The following MZF1 variants were observed in gnomAD, a reference collection of about 807,000 sequenced individuals.
MZF1 encodes the protein zinc finger and SCAN domain-containing protein 6.
Under a neutral mutation model 28.6 loss-of-function variants are expected in MZF1, and 24 were observed. That is an observed-to-expected ratio of 0.84 (90% CI 0.61 to 1.18). The LOEUF (loss-of-function observed/expected upper bound fraction) is 1.18, where lower values mean the gene tolerates loss of function less well. MZF1 is among the 50% of genes most tolerant of loss of function. The probability of loss-of-function intolerance (pLI) is 0.00; values close to 1 mark genes in which losing one functional copy is unlikely to be tolerated. For missense variants in MZF1, 1,166 were observed against 1,026.4 expected, an observed-to-expected ratio of 1.14 and a Z score of -1.86; for synonymous variants, 516 against 432.5, an observed-to-expected ratio of 1.19 and a Z score of -2.40.
intron 5 of MZF1, among the ~76,000 whole-genome samples, chr19:58,567,827 A>C (rs917590145): frequency 1.3e-5 from 2 of 151,990 alleles, no homozygotes; most frequent in African/African-American, 4.8e-5. Context: ...GTTTTTTTTT[A>C]AAAAGTTACT....
At chr19:58,566,151 AAAG>A (rs2054052063) in intron 5 of MZF1, among the ~76,000 whole-genome samples, 3 of 150,846 alleles carry the variant, frequency 2.0e-5, no homozygotes, top group Admixed American at 6.6e-5. Flanking sequence ...AAAAAAAAAA[AAAG>A]AAGAGGAATG....
chr19:58,569,431 T>A, intron 4 of MZF1, 34 bp from the exon 5 acceptor site: 1 of 1,614,028 alleles, frequency 6.2e-7, no homozygotes, highest in African/African-American at 1.3e-5. Context: ...CCTCTGTGCC[T>A]GGCTGGGCTC....
At position 58,570,994 on chromosome 19, in the gene MZF1, C is replaced by A; in HGVS notation, c.396G>T (p.Trp132Cys). The A allele has an allele frequency of 6.2e-7, 1 of 1,601,596 alleles. No individual in the cohort carries two copies. Residue 132 changes from tryptophan (W) to cysteine (C), a missense_variant and splice_region_variant, in exon 2 of 6, where the codon TGG (tryptophan) becomes TGT (cysteine). Coordinates refer to ENST00000215057, the MANE Select transcript of MZF1 (RefSeq NM_198055.2). ...ACCCCACTCGTGGACACTCACTCAC[C>A]CATCTCCGGGGTCCGCCCGGCTCCC... ...LRREPGGPRR[W>C]VTVQVQGQEV... is the part of the protein sequence containing the mutation.
chr19:58,564,049 G>A (rs1184833715), intron 5 of MZF1: 1 of 152,812 alleles, frequency 6.5e-6, no homozygotes, highest in Non-Finnish European at 1.5e-5. Context: ...TCAACACAGG[G>A]GTGGGTATCT....
intron 3 of MZF1, chr19:58,569,831 T>C: frequency 6.0e-6 from 3 of 500,306 alleles, no homozygotes; most frequent in Non-Finnish European, 1.1e-5. Flanking sequence ...TGTAGCCGTA[T>C]GTGAACCATG....
rs551541266 is a variant in MZF1, at chr19:58,562,449, G to A, written c.1828C>T (p.Leu610Phe). The change falls in exon 6 of 6, where the codon CTC becomes TTC. Residue 610 changes from leucine (L) to phenylalanine (F), a missense_variant. Physicochemically the swap from Leu to Phe is conservative, Grantham distance 22 (BLOSUM62 0). Transcript: ENST00000215057. ...GTCCTCTGATGACGCGTGAGCTTGA[G>A]GCGCTGGCTGAAGCGCTGGCCACAC... Reference protein sequence around the residue: ...PECGQRFSQRLKLTRHQRTHT... With the variant: ...PECGQRFSQRFKLTRHQRTHT... 1 of 1,610,860 alleles carries A rather than the reference G, an allele frequency of 6.2e-7. No homozygotes were observed. Among genetic ancestry groups the A allele is most frequent in the Non-Finnish European group, 8.5e-7 (1 of 1,179,170 alleles).
At chr19:58,565,967 C>T (rs969473853) in intron 5 of MZF1, among the ~76,000 whole-genome samples, 9 of 150,782 alleles carry the variant, frequency 6.0e-5, no homozygotes, top group East Asian at 4.0e-4. Context: ...GGCGAAACCC[C>T]GTCTCTACTA....
At chr19:58,569,676 G>A in intron 3 of MZF1, 90 bp from the exon 4 acceptor site, 1 of 1,171,834 alleles carries the variant, frequency 8.5e-7, no homozygotes, top group Non-Finnish European at 1.2e-6. Flanking sequence ...GATGCAGAGA[G>A]GTGGGATTCT....
intron 5 of MZF1, among the ~76,000 whole-genome samples, chr19:58,566,387 C>G (rs1365398928): frequency 1.3e-5 from 2 of 151,746 alleles, no homozygotes; most frequent in African/African-American, 4.8e-5. Flanking sequence ...GTGGAGGTTG[C>G]AGTGAGCCGA....
chr19:58,564,284 G>A (rs558720825), intron 5 of MZF1: 2 of 151,910 alleles, frequency 1.3e-5, no homozygotes, highest in Non-Finnish European at 2.9e-5. Context: ...ATACATCAAA[G>A]GAAATCAGCA....
In MZF1 at chr19:58,562,832, G is replaced by C. The variant is rs1224224291; in HGVS notation, c.1445C>G (p.Pro482Arg). The change falls in exon 6 of 6, where the codon CCC (proline) becomes CGC (arginine). Residue 482 changes from proline (P) to arginine (R), a missense_variant. By Grantham distance (103) the Pro-to-Arg change is moderately radical. Coordinates refer to ENST00000215057, the MANE Select transcript of MZF1 (RefSeq NM_198055.2). ...PPAPPGAPEP[P>R]GPFPCSECRE... ...GCACTCGCTGCACGGAAAGGGGCCG[G>C]GAGGCTCGGGCGCACCAGGAGGGGC... 3.9e-6 allele frequency: 6 copies of C among 1,536,002 alleles called. No individual in the cohort carries two copies. The highest frequency in any genetic ancestry group is 2.0e-5 in the Admixed American group (1 of 51,020).
In MZF1 at chr19:58,571,170, G is replaced by A. The variant is rs200472691; in HGVS notation, c.220C>T (p.Arg74Cys). 27 of 1,613,738 alleles carry A rather than the reference G, an allele frequency of 1.7e-5. No individual in the cohort carries two copies. In the East Asian group the frequency reaches 3.6e-4, roughly 21 times the overall value. ...QLRELCRQWL[R>C]PEVRSKEQML... Reference sequence around the variant, plus strand: ...TGCTCCTTGGAGCGTACCTCTGGACGCAGCCACTGGCGACACAGCTCTCGG... The same window carrying A: ...TGCTCCTTGGAGCGTACCTCTGGACACAGCCACTGGCGACACAGCTCTCGG... The change falls in exon 2 of 6, where the codon CGT becomes TGT. Residue 74 changes from arginine to cysteine, a missense_variant. Physicochemically the swap from Arg to Cys is radical, Grantham distance 180. Transcript: ENST00000215057.
chr19:58,567,341 T>G (rs554548374), intron 5 of MZF1, among the ~76,000 whole-genome samples: 1 of 152,382 alleles, frequency 6.6e-6, no homozygotes, highest in South Asian at 2.1e-4. Flanking sequence ...CTGTGGGCTC[T>G]GTCTGCACAG....
rs1277749956 is a variant in MZF1 at position 58,573,138 on chromosome 19, T to A, written c.-124A>T. ...TCCCGCTGGACTACGTCTCCCAGGATGCTCCGCGCACCAGCTCGAGCGCCT... is the reference window on the plus strand; with the variant it reads ...TCCCGCTGGACTACGTCTCCCAGGAAGCTCCGCGCACCAGCTCGAGCGCCT... On this transcript the variant is annotated 5_prime_UTR_variant, in exon 1 of 6. Coordinates refer to ENST00000215057, the MANE Select transcript of MZF1 (RefSeq NM_198055.2). 1.3e-5 allele frequency: 2 copies of A among 154,250 alleles called. No individual in the cohort carries two copies. The highest frequency in any genetic ancestry group is 4.8e-5 in the African/African-American group (2 of 41,422). 9.6% of individuals were successfully genotyped at this position (154,250 alleles called of 1,614,324 possible).
intron 5 of MZF1, chr19:58,568,525 C>A (rs567996654): frequency 6.6e-6 from 1 of 152,076 alleles, no homozygotes; most frequent in South Asian, 2.1e-4. Flanking sequence ...AGCTCACCAA[C>A]AATAGTGATA....
Position 58,570,449 on chromosome 19 carries a change from C to G in MZF1, c.475G>C (p.Glu159Gln). 1.2e-6 allele frequency: 2 copies of G among 1,613,972 alleles called. No homozygotes were observed. The highest frequency in any genetic ancestry group is 2.2e-5 in the South Asian group (2 of 91,090). ...PSSFQPLPET[E>Q]PPTPEPGPKT... ...GGCCCAGGCTCTGGAGTTGGAGGCT[C>G]AGTTTCAGGTAGGGGCTGGAAACTG... The change falls in exon 3 of 6, where the codon GAG (glutamate) becomes CAG (glutamine). Residue 159 changes from glutamate (E) to glutamine (Q), a missense_variant. Coordinates refer to ENST00000215057, the MANE Select transcript of MZF1 (RefSeq NM_198055.2).
rs1346668109 is a variant in MZF1 at position 58,562,442 on chromosome 19, A to C, written c.1835T>G (p.Leu612Arg). 2 of 1,611,168 alleles carry C rather than the reference A, an allele frequency of 1.2e-6. No individual in the cohort carries two copies. Among genetic ancestry groups the C allele is most frequent in the Admixed American group, 1.7e-5 (1 of 59,604 alleles). ...GGTGTGTGTCCTCTGATGACGCGTG[A>C]GCTTGAGGCGCTGGCTGAAGCGCTG... ...CGQRFSQRLK[L>R]TRHQRTHTGE... is the part of the protein sequence containing the mutation. Residue 612 changes from leucine to arginine, a missense_variant, in exon 6 of 6, where the codon CTC becomes CGC. By Grantham distance (102) the Leu-to-Arg change is moderately radical (BLOSUM62 -2). Transcript: ENST00000215057.
chr19:58,569,952 C>G (rs2054127396), intron 3 of MZF1: 1 of 316,116 alleles, frequency 3.2e-6, no homozygotes, highest in African/African-American at 2.2e-5. Context: ...AGGGGTCATA[C>G]CCCTAACACT....
At position 58,565,827 on chromosome 19, in the gene MZF1, G is replaced by A. The variant is rs563692156; in HGVS notation, c.773-2323C>T. Reference sequence around the variant, plus strand: ...GATTACAGGCGTGACGTGCCGCGCCGGGCCCATGTGTGTTTTAAAGGAGAG... The same window carrying A: ...GATTACAGGCGTGACGTGCCGCGCCAGGCCCATGTGTGTTTTAAAGGAGAG... On this transcript the variant is annotated intron_variant, in intron 5 of 5. Transcript: ENST00000215057. Among the ~76,000 whole-genome samples, 4 of 147,250 alleles carry A rather than the reference G, an allele frequency of 2.7e-5. No homozygotes were observed. The South Asian group carries it at 8.7e-4, about 32-fold the overall frequency.
Sources: allele counts gnomAD v4.1 joint callset (sites outside exome capture counted in the v4.1 genomes callset), GRCh38; gene constraint gnomAD v4.1.1; transcripts MANE v1.5; gene names NCBI Gene and HGNC (gene_info 2026-07-23, HGNC 2026-07-21).